The following GAK variants were observed in gnomAD, a reference collection of about 807,000 sequenced individuals.
GAK encodes cyclin G associated kinase, also known as cyclin-G-associated kinase.
A neutral mutation model predicts 143.9 loss-of-function variants in GAK; 79 were observed. The observed-to-expected ratio is 0.55, with a 90% CI of 0.46 to 0.66. The LOEUF (loss-of-function observed/expected upper bound fraction) is 0.66, where lower values mean the gene tolerates loss of function less well. GAK is among the 30% of genes least tolerant of loss of function. The pLI is 0.00. For missense variants in GAK, 1,693 were observed against 1,779.7 expected (o/e 0.95, Z 0.88); for synonymous variants, 881 against 765.5 (o/e 1.15, Z -2.49).
Position 867,009 on chromosome 4 carries a change from G to A in GAK, c.2819C>T (p.Pro940Leu). ...GCTCTGCACGCTCAGGGGAGGGGCC[G>A]GGCTTGCCAGGAGCAGCGGGTCCTC... ...LSEDPLLLASPAPPLSVQSTP... is the reference protein window; with the variant it reads ...LSEDPLLLASLAPPLSVQSTP... The change falls in exon 21 of 28, where the codon CCG (proline) becomes CTG (leucine). Residue 940 changes from proline to leucine, a missense_variant. By Grantham distance (98) the Pro-to-Leu change is moderately conservative. Coordinates refer to ENST00000314167, the MANE Select transcript of GAK (RefSeq NM_005255.4). The A allele has an allele frequency of 4.0e-6, 6 of 1,500,016 alleles. No individual in the cohort carries two copies. The highest frequency in any genetic ancestry group is 4.4e-6 in the Non-Finnish European group (5 of 1,125,148). 92.9% of individuals were successfully genotyped at this position (1,500,016 alleles called of 1,614,324 possible).
intron 22 of GAK, 98 bp from the exon 23 acceptor site, chr4:865,342 A>C (rs1577073137): frequency 6.8e-7 from 1 of 1,470,658 alleles, no homozygotes; most frequent in Non-Finnish European, 9.3e-7. Context: ...AGGAGCGGAC[A>C]CCTCTTGCAC....
intron 5 of GAK, among the ~76,000 whole-genome samples, chr4:903,436 G>A (rs948867438): frequency 5.3e-5 from 8 of 152,216 alleles, no homozygotes; most frequent in African/African-American, 1.9e-4. Flanking sequence ...CCCAGCGCCT[G>A]AGACAGGGCC....
chr4:870,313 G>A (rs1486658513), intron 19 of GAK, among the ~76,000 whole-genome samples: 4 of 152,228 alleles, frequency 2.6e-5, no homozygotes, highest in South Asian at 2.1e-4. Context: ...AGTGAAGAGC[G>A]ACAGGAGCGA....
chr4:850,096 C>T, intron 26 of GAK, 28 bp from the exon 27 acceptor site: 1 of 1,535,484 alleles, frequency 6.5e-7, no homozygotes, highest in South Asian at 1.2e-5. Flanking sequence ...CTTGCCGAGC[C>T]CTGGGCACCT....
intron 23 of GAK, among the ~76,000 whole-genome samples, chr4:860,760 C>A (rs557876140): frequency 2.0e-5 from 3 of 148,642 alleles, no homozygotes; most frequent in African/African-American, 7.5e-5. Context: ...CTCGAGGGGA[C>A]GGGCACCCAG....
chr4:877,261 C>A, intron 16 of GAK, 54 bp from the exon 17 acceptor site: 2 of 1,161,216 alleles, frequency 1.7e-6, no homozygotes, highest in Admixed American at 1.8e-5. Context: ...ACCAACCAAA[C>A]AAAAACAACA....
At chr4:876,731 C>A in intron 17 of GAK, 122 bp from the exon 18 acceptor site, 2 of 797,644 alleles carry the variant, frequency 2.5e-6, no homozygotes. Flanking sequence ...GCATGGACGG[C>A]GCCCCCGTGC....
At position 877,651 on chromosome 4, in the gene GAK, C is replaced by T. The variant is rs370708001; in HGVS notation, c.1820G>A (p.Arg607His). ...PFCEVYVGDE[R>H]VASTSQEYDK... ...GTACTCCTGGGAGGTGCTGGCCACA[C>T]GCTCGTCCCCCACGTAGACCTCGCA... Residue 607 changes from arginine to histidine, a missense_variant, in exon 16 of 28, where the codon CGT (arginine) becomes CAT (histidine). By Grantham distance (29) the Arg-to-His change is conservative. Around this residue, in one of 2 missense-constraint regions of GAK, gnomAD observed 871 missense variants for 991.0 expected, o/e 0.88. Transcript: ENST00000314167. 2.5e-6 allele frequency: 4 copies of T among 1,605,816 alleles called. No individual in the cohort carries two copies. Among genetic ancestry groups the T allele is most frequent in the Admixed American group, 1.7e-5 (1 of 59,166 alleles).
At chr4:926,015 C>T (rs566915848) in intron 1 of GAK, among the ~76,000 whole-genome samples, 10 of 152,176 alleles carry the variant, frequency 6.6e-5, no homozygotes, top group African/African-American at 1.2e-4. Flanking sequence ...ACCCGGGGGT[C>T]GTCCCCAACA....
intron 11 of GAK, chr4:888,250 G>A (rs1716922776): frequency 6.6e-6 from 1 of 152,390 alleles, no homozygotes; most frequent in African/African-American, 2.4e-5. Context: ...TGAGCAGCCA[G>A]CGTGCTCCTG....
intron 1 of GAK, among the ~76,000 whole-genome samples, chr4:914,649 GC>G (rs1299369486): frequency 2.8e-5 from 2 of 72,120 alleles, no homozygotes; most frequent in African/African-American, 5.8e-5. Context: ...AGCGTGCACG[GC>G]CCCACACACA....
intron 11 of GAK, among the ~76,000 whole-genome samples, chr4:885,233 G>A (rs1229545384): frequency 6.6e-6 from 1 of 152,168 alleles, no homozygotes; most frequent in Non-Finnish European, 1.5e-5. Flanking sequence ...AGACAAACAG[G>A]CCACACAAAG....
chr4:923,914 G>A (rs979461422), intron 1 of GAK, among the ~76,000 whole-genome samples: 9 of 152,148 alleles, frequency 5.9e-5, no homozygotes, highest in Non-Finnish European at 1.0e-4. Context: ...GCCAGGCGCC[G>A]TGGCTCATGC....
chr4:860,397 C>T (rs1750066561), intron 23 of GAK, among the ~76,000 whole-genome samples: 1 of 150,316 alleles, frequency 6.7e-6, no homozygotes, highest in African/African-American at 2.4e-5. Flanking sequence ...GCCATGCAGT[C>T]ATTAAAACCA....
intron 24 of GAK, among the ~76,000 whole-genome samples, chr4:854,665 A>G (rs1748808422): frequency 6.6e-6 from 1 of 152,202 alleles, no homozygotes; most frequent in Non-Finnish European, 1.5e-5. Context: ...TCTGTCTGCC[A>G]TCGCCGCAAT....
chr4:866,889 T>G, intron 21 of GAK, 67 bp downstream of exon 21: 2 of 1,205,274 alleles, frequency 1.7e-6, no homozygotes, highest in Non-Finnish European at 2.3e-6. Context: ...GCCCATGCAG[T>G]GAGAATGACT....
intron 4 of GAK, 33 bp from the exon 5 acceptor site, chr4:904,812 A>G (rs1424342579): frequency 1.9e-6 from 3 of 1,608,670 alleles, no homozygotes; most frequent in Non-Finnish European, 2.5e-6. Flanking sequence ...TGGAGGCAGG[A>G]GAACAGGGTC....
intron 23 of GAK, among the ~76,000 whole-genome samples, chr4:863,170 A>G (rs1338478045): frequency 2.0e-5 from 3 of 152,246 alleles, no homozygotes; most frequent in Non-Finnish European, 1.5e-5. Flanking sequence ...GACTTTGAGG[A>G]GTTGAAGACT....
chr4:895,611 T>C (rs1718615640), intron 7 of GAK, among the ~76,000 whole-genome samples: 1 of 152,166 alleles, frequency 6.6e-6, no homozygotes, highest in Non-Finnish European at 1.5e-5. Flanking sequence ...CGTAGGCAAA[T>C]ACACTACGGA....
Sources: allele counts gnomAD v4.1 joint callset (sites outside exome capture counted in the v4.1 genomes callset), GRCh38; gene constraint gnomAD v4.1.1; regional missense constraint gnomAD v4.1.1; transcripts MANE v1.5; gene names NCBI Gene and HGNC (gene_info 2026-07-23, HGNC 2026-07-21).